GNAL: variants seen among roughly 807,000 people sequenced by gnomAD.
GNAL encodes guanine nucleotide-binding protein G(olf) subunit alpha.
A neutral mutation model predicts 55.1 loss-of-function variants in GNAL; 18 were observed. The ratio of observed to expected loss-of-function variants is 0.33; its 90% confidence interval spans 0.23 to 0.48. GNAL has a LOEUF of 0.48. Among genes scored for constraint, GNAL ranks in the 20% least tolerant of loss-of-function variants. The pLI, the probability that GNAL is intolerant of heterozygous loss-of-function variation, is 0.99. For synonymous variants in GNAL, 253 were observed against 237.0 expected, an observed-to-expected ratio of 1.07 and a Z score of -0.62; for missense variants, 412 against 614.1, an observed-to-expected ratio of 0.67 and a Z score of 3.48.
At chr18:11,769,046 ATATATATAATATATAT>A (rs2033536855) in intron 4 of GNAL, among the ~76,000 whole-genome samples, 1 of 87,688 alleles carries the variant, frequency 1.1e-5, no homozygotes, top group Non-Finnish European at 1.9e-5. Context: ...ATAATATATA[ATATATATAATATATAT>A]TATAATATAG....
In GNAL at chr18:11,849,664, A is replaced by G. The variant is rs371881261; in HGVS notation, c.723-12731A>G. On this transcript the variant is annotated intron_variant, in intron 5 of 11. Coordinates refer to ENST00000334049, the MANE Select transcript of GNAL (RefSeq NM_182978.4). ...GCAGAGTAGGGGGCCTAAGCTCTCT[A>G]TATCCACTTTGAACAGATTTCTTCC... is the stretch of plus-strand genomic sequence containing the variant. Among the ~76,000 whole-genome samples the G allele has an allele frequency of 9.2e-5, 14 of 152,274 alleles. No individual in the cohort carries two copies. In the South Asian group the frequency reaches 1.7e-3, roughly 18 times the overall value.
intron 5 of GNAL, among the ~76,000 whole-genome samples, chr18:11,835,361 G>A (rs944543792): frequency 6.6e-6 from 1 of 151,534 alleles, no homozygotes; most frequent in Admixed American, 6.6e-5. Context: ...GCACAGTGGT[G>A]TTTGCCTGTA....
At chr18:11,822,947 G>A (rs940997960) in intron 4 of GNAL, among the ~76,000 whole-genome samples, 3 of 151,348 alleles carry the variant, frequency 2.0e-5, no homozygotes, top group African/African-American at 7.3e-5. Context: ...TGGTGTCTGT[G>A]GTTCCTGTGT....
intron 4 of GNAL, among the ~76,000 whole-genome samples, chr18:11,801,308 T>TGG (rs2034515509): frequency 6.6e-6 from 1 of 152,186 alleles, no homozygotes; most frequent in Non-Finnish European, 1.5e-5. Context: ...AACAGCACTT[T>TGG]GGGAGGCCAA....
intron 4 of GNAL, among the ~76,000 whole-genome samples, chr18:11,773,566 G>A (rs1327357299): frequency 6.6e-6 from 1 of 152,156 alleles, no homozygotes; most frequent in African/African-American, 2.4e-5. Context: ...AGGAGTTCAA[G>A]ACCAGACCAG....
intron 1 of GNAL, among the ~76,000 whole-genome samples, chr18:11,703,725 T>C (rs2031634934): frequency 6.6e-6 from 1 of 151,676 alleles, no homozygotes; most frequent in African/African-American, 2.4e-5. Flanking sequence ...TCAGAAGTAA[T>C]GCTCTCCACC....
intron 5 of GNAL, among the ~76,000 whole-genome samples, chr18:11,847,082 G>C (rs1056362217): frequency 4.6e-5 from 7 of 151,582 alleles, no homozygotes; most frequent in Admixed American, 2.0e-4. Flanking sequence ...TGGTCACCAA[G>C]TGAATATGTA....
At chr18:11,829,144 A>T (rs2035319035) in intron 5 of GNAL, among the ~76,000 whole-genome samples, 1 of 152,156 alleles carries the variant, frequency 6.6e-6, no homozygotes, top group Non-Finnish European at 1.5e-5. Context: ...TCAGGCCAAG[A>T]CTCCCTTCTA....
At chr18:11,726,699 C>A (rs572463334) in intron 1 of GNAL, among the ~76,000 whole-genome samples, 1 of 152,274 alleles carries the variant, frequency 6.6e-6, no homozygotes, top group African/African-American at 2.4e-5. Context: ...CTGTTAATAC[C>A]CTCCCATGCC....
In GNAL at chr18:11,689,670, C is replaced by T. The variant is rs7236061; in HGVS notation, c.107C>T (p.Pro36Leu). The change falls in exon 1 of 12, where the codon CCG becomes CTG. Residue 36 changes from proline to leucine, a missense_variant. Transcript: ENST00000334049. ...GAGGACGCGCAGCCCGCCCCGGCCCCGGCCCTGGCCCCAGTCCGGGCGGCC... is the reference window on the plus strand; with the variant it reads ...GAGGACGCGCAGCCCGCCCCGGCCCTGGCCCTGGCCCCAGTCCGGGCGGCC... ...PVEDAQPAPAPALAPVRAAAR... is the reference protein window; with the variant it reads ...PVEDAQPAPALALAPVRAAAR... The T allele has an allele frequency of 5.7e-4, 828 of 1,441,002 alleles. 8 individuals carry two copies. The highest frequency in any genetic ancestry group is 3.3e-3 in the Admixed American group (122 of 37,464). 89.3% of individuals were successfully genotyped at this position (1,441,002 alleles called of 1,614,324 possible).
chr18:11,747,678 T>A (rs1250287535), intron 1 of GNAL: 1 of 141,964 alleles, frequency 7.0e-6, no homozygotes, highest in Non-Finnish European at 1.6e-5. Flanking sequence ...CCAGGCCTAC[T>A]GGGGTGTGAA....
chr18:11,877,755 C>T (rs1163695088), intron 11 of GNAL, among the ~76,000 whole-genome samples: 1 of 152,206 alleles, frequency 6.6e-6, no homozygotes, highest in Non-Finnish European at 1.5e-5. Flanking sequence ...CCTGGCCTTT[C>T]ACCACCCTTT....
At chr18:11,762,876 C>T (rs970656550) in intron 4 of GNAL, among the ~76,000 whole-genome samples, 1 of 152,146 alleles carries the variant, frequency 6.6e-6, no homozygotes, top group Non-Finnish European at 1.5e-5. Context: ...GTACCAGAAA[C>T]CTGCTTCCAG....
At chr18:11,795,243 T>G (rs930990305) in intron 4 of GNAL, among the ~76,000 whole-genome samples, 1 of 151,834 alleles carries the variant, frequency 6.6e-6, no homozygotes, top group Admixed American at 6.6e-5. Context: ...CTACAAAAAT[T>G]ACAATAAATT....
chr18:11,740,630 CAT>C (rs1355506251), intron 1 of GNAL, among the ~76,000 whole-genome samples: 4 of 152,194 alleles, frequency 2.6e-5, no homozygotes, highest in Admixed American at 1.3e-4. Context: ...CTCTTCATTC[CAT>C]ATGTGTGTGT....
At position 11,809,451 on chromosome 18, in the gene GNAL, T is replaced by A. The variant is rs183476021; in HGVS notation, c.625-15467T>A. The stretch of plus-strand genomic sequence containing the variant: ...TAAGATTGTTGAATTGTATGGTATA[T>A]AAATTATATCTCAATAAAGCTGTGA... On this transcript the variant is annotated intron_variant, in intron 4 of 11. Coordinates refer to ENST00000334049, the MANE Select transcript of GNAL (RefSeq NM_182978.4). Among the ~76,000 whole-genome samples, 1,106 of 152,250 alleles carry A rather than the reference T, an allele frequency of 7.3e-3. 6 individuals carry two copies. Among genetic ancestry groups the A allele is most frequent in the Non-Finnish European group, 0.011 (756 of 68,016 alleles).
chr18:11,739,536 C>T (rs1480453963), intron 1 of GNAL, among the ~76,000 whole-genome samples: 18 of 152,160 alleles, frequency 1.2e-4, no homozygotes, highest in Non-Finnish European at 2.6e-4. Flanking sequence ...TCGGTCGGCC[C>T]CTCTATGTGT....
intron 5 of GNAL, among the ~76,000 whole-genome samples, chr18:11,855,535 G>A (rs1045917880): frequency 3.9e-5 from 6 of 152,196 alleles, no homozygotes; most frequent in African/African-American, 1.4e-4. Flanking sequence ...CAGGAACCCA[G>A]ATGATACTGT....
In GNAL at chr18:11,753,870, G is replaced by T. The variant is rs1598430351; in HGVS notation, c.549G>T (p.Leu183=). The T allele has an allele frequency of 1.2e-6, 2 of 1,609,102 alleles. No homozygotes were observed. The highest frequency in any genetic ancestry group is 4.5e-5 in the East Asian group (2 of 44,848). ...GTACTATAATACCTCCAGTTCCGCT[G>T]GCCAACCCTGAAAACCAATTTCGAT... is the stretch of plus-strand genomic sequence containing the variant. The part of the protein sequence containing the change: ...AMSTIIPPVP[L]ANPENQFRSD... Residue 183 remains leucine (L), a synonymous_variant, in exon 4 of 12, where the codon CTG becomes CTT. Coordinates refer to ENST00000334049, the MANE Select transcript of GNAL (RefSeq NM_182978.4).
Sources: gnomAD v4.1 joint callset for allele counts (sites outside exome capture counted in the v4.1 genomes callset) on GRCh38, gnomAD v4.1.1 for gene constraint, MANE v1.5 for transcripts, NCBI Gene and HGNC (gene_info 2026-07-23, HGNC 2026-07-21) for gene names.